The following LRBA variants were observed in gnomAD, a reference collection of about 807,000 sequenced individuals.
The protein encoded by LRBA is lipopolysaccharide-responsive and beige-like anchor protein.
A neutral mutation model predicts 330.0 loss-of-function variants in LRBA; 176 were observed. The ratio of observed to expected loss-of-function variants is 0.53; its 90% CI spans 0.47 to 0.60. LRBA has a LOEUF of 0.60. Among genes scored for constraint, LRBA ranks in the 20% least tolerant of loss-of-function variants. The probability of loss-of-function intolerance (pLI) is 0.00; values close to 1 mark genes in which losing one functional copy is unlikely to be tolerated. For synonymous variants in LRBA, 1,230 were observed against 1,193.0 expected (o/e 1.03, Z -0.64); for missense variants, 3,259 against 3,444.8 (o/e 0.95, Z 1.35).
chr4:150,834,613 CT>C (rs1356146774), intron 28 of LRBA, among the ~76,000 whole-genome samples: 2 of 152,164 alleles, frequency 1.3e-5, no homozygotes, highest in Non-Finnish European at 2.9e-5. Context: ...TTTGTCCTTC[CT>C]TTTATAGAGC....
chr4:150,959,785 T>C (rs1737934294), intron 2 of LRBA, among the ~76,000 whole-genome samples: 1 of 145,546 alleles, frequency 6.9e-6, no homozygotes, highest in South Asian at 2.1e-4. Context: ...TTATATTATC[T>C]ATAATTATAT....
chr4:150,429,593 A>G (rs1750101315), intron 46 of LRBA, among the ~76,000 whole-genome samples: 1 of 152,140 alleles, frequency 6.6e-6, no homozygotes. Context: ...TATATATTCA[A>G]ATGGAGATGT....
intron 4 of LRBA, among the ~76,000 whole-genome samples, chr4:150,922,394 G>GTATATATATATATATATA (rs56340108): frequency 4.2e-4 from 59 of 139,714 alleles, no homozygotes; most frequent in East Asian, 3.0e-3. Flanking sequence ...AGAAACTGTG[G>GTATATATATATATATATA]TATATATATA....
In LRBA at chr4:150,662,167, C is replaced by T. The variant is rs189630489; in HGVS notation, c.5921+21384G>A. Among the ~76,000 whole-genome samples, 205 of 152,214 alleles carry T rather than the reference C, an allele frequency of 1.3e-3. 1 individual carries two copies. The highest frequency in any genetic ancestry group is 3.9e-3 in the African/African-American group (163 of 41,528). On this transcript the variant is annotated intron_variant, in intron 37 of 56. Transcript: ENST00000651943. Reference sequence around the variant, plus strand: ...TAAATCCCAATAATTATTTTCTTTTCACAGAGGCTAATATTAACAAATATA... The same window carrying T: ...TAAATCCCAATAATTATTTTCTTTTTACAGAGGCTAATATTAACAAATATA...
At position 150,402,268 on chromosome 4, in the gene LRBA, C is replaced by CA. The variant is rs72235117; in HGVS notation, c.7194+13169dup. Among the ~76,000 whole-genome samples the CA allele has an allele frequency of 4.7e-3, 640 of 137,582 alleles. 4 individuals are homozygous for CA. Among genetic ancestry groups the CA allele is most frequent in the South Asian group, 0.014 (61 of 4,308 alleles). The allele number at this position is 137,582 out of a possible 152,430, so 90.3% of individuals were successfully genotyped here. ...CTTTCAGGGTGGTACAGCAGTAGAC[C>CA]AAAAAAAAAAAAGAACTTATTTTAA... On this transcript the variant is annotated intron_variant, in intron 47 of 56. Transcript: ENST00000651943.
intron 56 of LRBA, among the ~76,000 whole-genome samples, chr4:150,269,270 C>T (rs913517134): frequency 1.3e-5 from 2 of 152,162 alleles, no homozygotes; most frequent in Non-Finnish European, 2.9e-5. Context: ...TGTTACAATG[C>T]GACAGTAATC....
At chr4:150,917,772 T>C (rs901739320) in intron 5 of LRBA, among the ~76,000 whole-genome samples, 1 of 151,818 alleles carries the variant, frequency 6.6e-6, no homozygotes, top group Admixed American at 6.6e-5. Flanking sequence ...ACTAAAAAAA[T>C]ACAAAAATTA....
At chr4:150,489,618 TAAG>T (rs1316513582) in intron 41 of LRBA, among the ~76,000 whole-genome samples, 75 of 85,796 alleles carry the variant, frequency 8.7e-4, no homozygotes, top group African/African-American at 1.1e-3. Flanking sequence ...ATATAATATA[TAAG>T]AATATATAAT....
At chr4:150,448,485 G>A (rs932252965) in intron 44 of LRBA, among the ~76,000 whole-genome samples, 1 of 152,110 alleles carries the variant, frequency 6.6e-6, no homozygotes, top group African/African-American at 2.4e-5. Context: ...AGCATGGGAG[G>A]AAGAGGTAGT....
chr4:150,349,930 C>T lies in LRBA; in HGVS notation c.7362+62G>A, dbSNP rs1736911736. 9 of 1,456,812 alleles carry T rather than the reference C, an allele frequency of 6.2e-6. No homozygotes were observed. In the South Asian group the frequency reaches 7.1e-5, roughly 11 times the overall value. 90.2% of individuals were successfully genotyped at this position (1,456,812 alleles called of 1,614,324 possible). A position where few individuals can be genotyped will look rare whatever the true frequency, so the allele number is the denominator to read the frequency against. On this transcript the variant is annotated intron_variant, in intron 48 of 56. Transcript: ENST00000651943. ...AATCAAAGGATGGGGGAGGTGTTCT[C>T]TAGCTCCTTCTAGTTTAAATATACC... is the stretch of plus-strand genomic sequence containing the variant.
intron 2 of LRBA, among the ~76,000 whole-genome samples, chr4:150,992,979 T>C (rs1742263232): frequency 6.6e-6 from 1 of 152,224 alleles, no homozygotes; most frequent in Non-Finnish European, 1.5e-5. Context: ...AGCAGAATAG[T>C]TATTTTAAAG....
At chr4:150,715,976 C>T (rs768825446) in intron 36 of LRBA, among the ~76,000 whole-genome samples, 2 of 152,154 alleles carry the variant, frequency 1.3e-5, no homozygotes, top group Non-Finnish European at 1.5e-5. Context: ...AAGAATTATA[C>T]TGTGAGCAAA....
intron 36 of LRBA, 33 bp from the exon 37 acceptor site, chr4:150,683,750 A>G: frequency 6.7e-7 from 1 of 1,490,018 alleles, no homozygotes. Flanking sequence ...ACTATAAAAA[A>G]TGTGAAAAAA....
intron 2 of LRBA, chr4:151,014,188 T>C (rs959306377): frequency 2.5e-6 from 1 of 404,716 alleles, no homozygotes; most frequent in African/African-American, 2.0e-5. Context: ...GCAACAATTA[T>C]TTCCTTAGCA....
chr4:150,658,085 G>A (rs1342419572), intron 37 of LRBA, among the ~76,000 whole-genome samples: 6 of 152,068 alleles, frequency 3.9e-5, no homozygotes, highest in African/African-American at 1.2e-4. Flanking sequence ...ACGCTAAGGG[G>A]TGAGTCAAAG....
At chr4:150,694,197 C>T (rs192599793) in intron 36 of LRBA, among the ~76,000 whole-genome samples, 42 of 152,036 alleles carry the variant, frequency 2.8e-4, no homozygotes, top group African/African-American at 9.6e-4. Context: ...TACATCATTC[C>T]ATGTCAGGAC....
intron 2 of LRBA, among the ~76,000 whole-genome samples, chr4:150,988,767 C>A (rs922900812): frequency 1.3e-5 from 2 of 152,020 alleles, no homozygotes; most frequent in African/African-American, 4.8e-5. Flanking sequence ...TCAGTAGAGA[C>A]AGGGTTTTCC....
chr4:150,662,008 A>T (rs987978356), intron 37 of LRBA, among the ~76,000 whole-genome samples: 1 of 152,008 alleles, frequency 6.6e-6, no homozygotes, highest in African/African-American at 2.4e-5. Context: ...TATATCAAAA[A>T]TTTTTCAAAT....
rs766793035 is a variant in LRBA at position 150,366,183 on chromosome 4, A to AT, written c.7195-16025dup. Among the ~76,000 whole-genome samples the AT allele has an allele frequency of 6.2e-3, 949 of 152,090 alleles. 13 individuals carry two copies. Among genetic ancestry groups the AT allele is most frequent in the African/African-American group, 0.021 (877 of 41,504 alleles). On this transcript the variant is annotated intron_variant, in intron 47 of 56. Transcript: ENST00000651943. ...TCTCAAAGAATAAGGCTGTTTTGAG[A>AT]TTTTTTTTAAGCCTTTCAGACAACC...
Sources: allele counts gnomAD v4.1 joint callset (sites outside exome capture counted in the v4.1 genomes callset), GRCh38; gene constraint gnomAD v4.1.1; transcripts MANE v1.5; gene names NCBI Gene and HGNC (gene_info 2026-07-23, HGNC 2026-07-21).